The following ACKR2 variants were observed in gnomAD, a reference collection of about 807,000 sequenced individuals.
ACKR2 encodes the protein atypical chemokine receptor 2.
For synonymous variants in ACKR2, 207 were observed against 192.2 expected, an observed-to-expected ratio of 1.08 and a Z score of -0.64; for missense variants, 457 against 477.3, an observed-to-expected ratio of 0.96 and a Z score of 0.40.
rs189315640 is a variant in ACKR2, at chr3:42,811,860, C to T, written c.-119+2328C>T. ...GGGTGGAGAGAAGCAAAAATCTGGC[C>T]TACGTGCACATCCGGGCACAGTACC... On this transcript the variant is annotated intron_variant, in intron 1 of 2. Transcript: ENST00000422265. 8.5e-5 allele frequency among the ~76,000 whole-genome samples: 13 copies of T among 152,238 alleles called. No individual in the cohort carries two copies. In the East Asian group the frequency reaches 2.5e-3, roughly 29 times the overall value.
chr3:42,840,910 G>A (rs757955789), intron 2 of ACKR2, among the ~76,000 whole-genome samples: 9 of 152,062 alleles, frequency 5.9e-5, no homozygotes, highest in Admixed American at 3.9e-4. Flanking sequence ...GACTGGTCTC[G>A]AACTCCTGAC....
At chr3:42,856,315 G>T in intron 2 of ACKR2, 2 of 697,336 alleles carry the variant, frequency 2.9e-6, no homozygotes. Context: ...GAGCCCAAGG[G>T]TGGGGCAGAA....
At chr3:42,843,424 A>T (rs1701061053) in intron 2 of ACKR2, among the ~76,000 whole-genome samples, 1 of 152,148 alleles carries the variant, frequency 6.6e-6, no homozygotes, top group African/African-American at 2.4e-5. Flanking sequence ...TATCCTTTTC[A>T]TTGGTAGTTG....
intron 2 of ACKR2, among the ~76,000 whole-genome samples, chr3:42,859,381 A>C (rs527270252): frequency 3.5e-5 from 5 of 141,464 alleles, no homozygotes; most frequent in Non-Finnish European, 6.2e-5. Flanking sequence ...TTCAACATTC[A>C]TTTTTTTTTT....
Position 42,824,437 on chromosome 3 carries a change from A to G in ACKR2, c.-38+4726A>G, listed in dbSNP as rs560323236. Among the ~76,000 whole-genome samples, 4 of 152,338 alleles carry G rather than the reference A, an allele frequency of 2.6e-5. No individual in the cohort carries two copies. The South Asian group carries it at 8.3e-4, about 32-fold the overall frequency. On this transcript the variant is annotated intron_variant, in intron 2 of 2. Transcript: ENST00000422265. Reference sequence around the variant, plus strand: ...AATATAACCACAAAGTTGCACACTCATCACACTGTCTAAAATCAGAACATT... The same window carrying G: ...AATATAACCACAAAGTTGCACACTCGTCACACTGTCTAAAATCAGAACATT...
chr3:42,815,328 A>T (rs990214278), intron 1 of ACKR2, among the ~76,000 whole-genome samples: 5 of 152,190 alleles, frequency 3.3e-5, no homozygotes, highest in African/African-American at 1.2e-4. Flanking sequence ...CAGTAGTGTT[A>T]TCTCTACTTC....
At chr3:42,860,189 A>AAAAAAT (rs376833790) in intron 2 of ACKR2, among the ~76,000 whole-genome samples, 2 of 111,520 alleles carry the variant, frequency 1.8e-5, no homozygotes, top group Admixed American at 1.3e-4. Flanking sequence ...AAAAAAAAAA[A>AAAAAAT]GCAGGGGATG....
At chr3:42,839,323 A>G (rs1025435309) in intron 2 of ACKR2, 1 of 152,060 alleles carries the variant, frequency 6.6e-6, no homozygotes, top group Non-Finnish European at 1.5e-5. Flanking sequence ...AGTGTGTGGC[A>G]TCATCAGTCT....
rs374190778 is a variant in ACKR2, at chr3:42,863,014, T to G, written c.-37-1452T>G. Among the ~76,000 whole-genome samples, 149 of 152,316 alleles carry G rather than the reference T, an allele frequency of 9.8e-4. 3 individuals are homozygous for G. The highest frequency in any genetic ancestry group is 3.5e-3 in the African/African-American group (145 of 41,580). On this transcript the variant is annotated intron_variant, in intron 2 of 2. Transcript: ENST00000422265. ...AAAGCCAAAATTGACAAATGGGATCTAATTAAACTAAAGAGCTTCTGCACA... is the reference window on the plus strand; with the variant it reads ...AAAGCCAAAATTGACAAATGGGATCGAATTAAACTAAAGAGCTTCTGCACA...
chr3:42,838,211 A>G (rs897432510), intron 2 of ACKR2, among the ~76,000 whole-genome samples: 9 of 152,240 alleles, frequency 5.9e-5, no homozygotes, highest in Non-Finnish European at 1.2e-4. Context: ...ACCAAAATTA[A>G]GAATGTGTGC....
At chr3:42,828,403 G>A (rs1050621502) in intron 2 of ACKR2, among the ~76,000 whole-genome samples, 2 of 152,046 alleles carry the variant, frequency 1.3e-5, no homozygotes, top group African/African-American at 2.4e-5. Context: ...GAGCCACCGC[G>A]CCTGGCCAGC....
chr3:42,810,770 T>G (rs552431082), intron 1 of ACKR2, among the ~76,000 whole-genome samples: 1 of 152,368 alleles, frequency 6.6e-6, no homozygotes, highest in Admixed American at 6.5e-5. Flanking sequence ...GACACCCCTC[T>G]GCGCAAAAGT....
At chr3:42,855,464 T>C (rs2088304549) in intron 2 of ACKR2, among the ~76,000 whole-genome samples, 1 of 152,154 alleles carries the variant, frequency 6.6e-6, no homozygotes, top group Admixed American at 6.5e-5. Flanking sequence ...ATGAAAGTGA[T>C]AGGAGGGAAT....
intron 2 of ACKR2, among the ~76,000 whole-genome samples, chr3:42,833,152 C>T (rs1298115438): frequency 3.3e-5 from 5 of 152,210 alleles, no homozygotes; most frequent in Admixed American, 3.3e-4. Context: ...GCATGAGCTA[C>T]TGTGCTTGGG....
chr3:42,825,346 G>A lies in ACKR2; in HGVS notation c.-38+5635G>A, dbSNP rs141998741. Reference sequence around the variant, plus strand: ...GTCTTCCAATCCGTGAACATGAAATGTAATTCCACTTACTTAGGTCTACTT... The same window carrying A: ...GTCTTCCAATCCGTGAACATGAAATATAATTCCACTTACTTAGGTCTACTT... On this transcript the variant is annotated intron_variant, in intron 2 of 2. Transcript: ENST00000422265. Among the ~76,000 whole-genome samples the A allele has an allele frequency of 5.1e-4, 77 of 152,230 alleles. No homozygotes were observed. In the East Asian group the frequency reaches 0.013, roughly 26 times the overall value.
intron 2 of ACKR2, among the ~76,000 whole-genome samples, chr3:42,857,999 C>T (rs2088341490): frequency 2.0e-5 from 3 of 152,268 alleles, no homozygotes; most frequent in Admixed American, 6.5e-5. Flanking sequence ...CAGGGCATCT[C>T]TGAAAGAAAG....
chr3:42,823,273 C>T (rs1026800376), intron 2 of ACKR2, among the ~76,000 whole-genome samples: 5 of 152,174 alleles, frequency 3.3e-5, no homozygotes, highest in Non-Finnish European at 5.9e-5. Flanking sequence ...CTTACAGCAT[C>T]CCCTCCCCTG....
At chr3:42,814,683 C>T (rs753561617) in intron 1 of ACKR2, among the ~76,000 whole-genome samples, 13 of 152,126 alleles carry the variant, frequency 8.5e-5, no homozygotes, top group Non-Finnish European at 1.8e-4. Context: ...TTATTGAATA[C>T]GTACATTGTG....
At chr3:42,861,505 C>T (rs541397076) in intron 2 of ACKR2, among the ~76,000 whole-genome samples, 2 of 152,324 alleles carry the variant, frequency 1.3e-5, no homozygotes, top group African/African-American at 4.8e-5. Flanking sequence ...TCCTCTTTAA[C>T]TCATTTTATG....
Sources: allele counts gnomAD v4.1 joint callset (sites outside exome capture counted in the v4.1 genomes callset), GRCh38; gene constraint gnomAD v4.1.1; transcripts MANE v1.5; gene names NCBI Gene and HGNC (gene_info 2026-07-23, HGNC 2026-07-21).